Variants in MCPH1 observed in about 807,000 individuals in gnomAD.
The protein encoded by MCPH1 is microcephalin.
Under a neutral mutation model 84.5 loss-of-function variants are expected in MCPH1, and 104 were observed. The observed-to-expected ratio is 1.23, with a 90% CI of 1.05 to 1.45. The LOEUF is 1.45. MCPH1 is among the 40% of genes most tolerant of loss of function. MCPH1 has a pLI of 0.00. For missense variants in MCPH1, 1,498 were observed against 1,005.7 expected (o/e 1.49, Z -6.62); for synonymous variants, 514 against 366.8 (o/e 1.40, Z -4.58).
chr8:6,468,135 T>C (rs1447759455), intron 9 of MCPH1, among the ~76,000 whole-genome samples: 1 of 152,194 alleles, frequency 6.6e-6, no homozygotes, highest in Non-Finnish European at 1.5e-5. Flanking sequence ...GATCCAGAGC[T>C]CAGAGGCAGT....
rs1389296811 is a variant in MCPH1, at chr8:6,647,534, G to C, written c.*4485G>C. 1 of 152,144 alleles carries C rather than the reference G, an allele frequency of 6.6e-6. No homozygotes were observed. Among genetic ancestry groups the C allele is most frequent in the Non-Finnish European group, 1.5e-5 (1 of 68,028 alleles). 9.4% of individuals were successfully genotyped at this position (152,144 alleles called of 1,614,324 possible). On this transcript the variant is annotated 3_prime_UTR_variant, in exon 14 of 14. Coordinates refer to ENST00000344683, the MANE Select transcript of MCPH1 (RefSeq NM_024596.5). ...AAATTAGCCCATCAACTGAAAAGTA[G>C]ATAAACAAAATGTATATCCACACCA... is the stretch of plus-strand genomic sequence containing the variant.
intron 2 of MCPH1, 87 bp from the exon 3 acceptor site, chr8:6,414,678 T>C (rs1799011645): frequency 9.8e-6 from 14 of 1,435,670 alleles, no homozygotes; most frequent in Non-Finnish European, 1.3e-5. Context: ...AGAAACAGAA[T>C]TGCTGGGGTA....
chr8:6,521,103 G>A (rs753962756), intron 12 of MCPH1: 1 of 1,212,094 alleles, frequency 8.3e-7, no homozygotes, highest in Admixed American at 2.2e-5. Flanking sequence ...TGAAAGGTGA[G>A]AATTTTTTAG....
intron 12 of MCPH1, among the ~76,000 whole-genome samples, chr8:6,618,130 C>A (rs78985192): frequency 0.025 from 3,733 of 152,304 alleles, 157 homozygotes; most frequent in African/African-American, 0.085. Context: ...ATTGAAAAAT[C>A]CATGAAAATA....
At chr8:6,460,569 T>G (rs1313127465) in intron 9 of MCPH1, among the ~76,000 whole-genome samples, 1 of 152,210 alleles carries the variant, frequency 6.6e-6, no homozygotes. Context: ...AATCCTATCT[T>G]TTATTTATTT....
intron 13 of MCPH1, chr8:6,626,212 T>C (rs1006513228): frequency 3.0e-6 from 3 of 985,264 alleles, no homozygotes; most frequent in South Asian, 4.7e-5. Flanking sequence ...CTTGCTGGCA[T>C]AGAACAGGGA....
In MCPH1 at chr8:6,444,810, C is replaced by A; in HGVS notation, c.1088C>A (p.Ser363Tyr). 3.1e-6 allele frequency: 5 copies of A among 1,614,088 alleles called. No homozygotes were observed. The highest frequency in any genetic ancestry group is 4.2e-6 in the Non-Finnish European group (5 of 1,180,028). Residue 363 changes from serine (S) to tyrosine (Y), a missense_variant, in exon 8 of 14, where the codon TCC becomes TAC. Physicochemically the swap from Ser to Tyr is moderately radical, Grantham distance 144 (BLOSUM62 -2). Coordinates refer to ENST00000344683, the MANE Select transcript of MCPH1 (RefSeq NM_024596.5). ...SVKRKRVSHG[S>Y]HSPPKEKCKR... ...AAGAGAAAAAGAGTATCACATGGCTCCCATTCACCTCCGAAGGAAAAATGC... is the reference window on the plus strand; with the variant it reads ...AAGAGAAAAAGAGTATCACATGGCTACCATTCACCTCCGAAGGAAAAATGC...
intron 12 of MCPH1, among the ~76,000 whole-genome samples, chr8:6,574,905 T>C (rs776108760): frequency 6.6e-6 from 1 of 152,104 alleles, no homozygotes; most frequent in Non-Finnish European, 1.5e-5. Context: ...ATGAAAGATA[T>C]CAAGTTACAG....
intron 8 of MCPH1, chr8:6,446,898 C>T (rs1804467003): frequency 1.0e-6 from 1 of 985,268 alleles, no homozygotes. Context: ...TCGACAGCCT[C>T]CGGGGTTGGG....
chr8:6,532,913 A>G (rs1036145068), intron 12 of MCPH1, among the ~76,000 whole-genome samples: 2 of 152,212 alleles, frequency 1.3e-5, no homozygotes, highest in Non-Finnish European at 2.9e-5. Context: ...TATTTCTCTC[A>G]CATTCTAGAC....
chr8:6,549,248 G>A (rs1041640780), intron 12 of MCPH1, among the ~76,000 whole-genome samples: 1 of 152,204 alleles, frequency 6.6e-6, no homozygotes, highest in Admixed American at 6.5e-5. Context: ...TACGTAAATT[G>A]TGTTATACAG....
At chr8:6,429,026 C>T (rs142879474) in intron 3 of MCPH1, among the ~76,000 whole-genome samples, 63 of 152,318 alleles carry the variant, frequency 4.1e-4, no homozygotes, top group African/African-American at 1.4e-3. Flanking sequence ...TCTGAGTGCA[C>T]CTCACTCCCA....
intron 12 of MCPH1, among the ~76,000 whole-genome samples, chr8:6,524,066 CT>C (rs1465098368): frequency 1.3e-5 from 2 of 152,120 alleles, no homozygotes; most frequent in Non-Finnish European, 2.9e-5. Context: ...AATATAGACA[CT>C]TTTAAAAATA....
chr8:6,560,676 A>C (rs547643152), intron 12 of MCPH1, among the ~76,000 whole-genome samples: 24 of 152,332 alleles, frequency 1.6e-4, no homozygotes, highest in African/African-American at 5.3e-4. Flanking sequence ...CCATTGTGCT[A>C]CTGCTGTTCA....
intron 9 of MCPH1, among the ~76,000 whole-genome samples, chr8:6,476,256 C>A (rs144373897): frequency 2.0e-5 from 3 of 151,982 alleles, no homozygotes; most frequent in Non-Finnish European, 4.4e-5. Context: ...TGGTGGAACC[C>A]TGTCTCTACT....
At chr8:6,545,753 C>T (rs956804124) in intron 12 of MCPH1, among the ~76,000 whole-genome samples, 13 of 152,162 alleles carry the variant, frequency 8.5e-5, no homozygotes, top group African/African-American at 2.9e-4. Flanking sequence ...ATTTCAGTGG[C>T]TTCAAGTATA....
chr8:6,636,519 G>T (rs545595044), intron 13 of MCPH1, among the ~76,000 whole-genome samples: 2 of 152,124 alleles, frequency 1.3e-5, no homozygotes, highest in Non-Finnish European at 2.9e-5. Flanking sequence ...TGGCTCTGTT[G>T]CCCAGGCTGG....
At chr8:6,542,524 T>A (rs755644962) in intron 12 of MCPH1, among the ~76,000 whole-genome samples, 13 of 151,756 alleles carry the variant, frequency 8.6e-5, no homozygotes, top group Admixed American at 2.0e-4. Flanking sequence ...GGTAGCAGAG[T>A]ACTAACTTAA....
chr8:6,476,466 C>G (rs149900144), intron 9 of MCPH1, among the ~76,000 whole-genome samples: 1 of 150,846 alleles, frequency 6.6e-6, no homozygotes, highest in African/African-American at 2.4e-5. Flanking sequence ...AAAATTCAGT[C>G]ATAGACCAAA....
Sources: allele counts gnomAD v4.1 joint callset (sites outside exome capture counted in the v4.1 genomes callset), GRCh38; gene constraint gnomAD v4.1.1; transcripts MANE v1.5; gene names NCBI Gene and HGNC (gene_info 2026-07-23, HGNC 2026-07-21).